SCN2A: variants seen among roughly 807,000 people sequenced by gnomAD.
SCN2A encodes the protein sodium voltage-gated channel alpha subunit 2.
SCN2A carries 20 observed loss-of-function variants against 188.7 expected under a neutral mutation model. That is an observed-to-expected ratio of 0.11 (90% CI 0.07 to 0.15). The LOEUF (loss-of-function observed/expected upper bound fraction) is 0.15, where lower values mean the gene tolerates loss of function less well. SCN2A is among the 10% of genes least tolerant of loss of function. The pLI, the probability that SCN2A is intolerant of heterozygous loss-of-function variation, is 1.00. For synonymous variants in SCN2A, 804 were observed against 833.1 expected (o/e 0.97, Z 0.60); for missense variants, 1,278 against 2,445.0 (o/e 0.52, Z 10.07).
chr2:165,302,528 T>C (rs1056930227), intron 3 of SCN2A, among the ~76,000 whole-genome samples: 2 of 152,188 alleles, frequency 1.3e-5, no homozygotes, highest in Non-Finnish European at 2.9e-5. Flanking sequence ...TCCTATAGAA[T>C]AACAAAGAAA....
intron 1 of SCN2A, among the ~76,000 whole-genome samples, chr2:165,291,415 CCTCCCTG>C (rs1559339959): frequency 4.5e-4 from 53 of 118,254 alleles, no homozygotes; most frequent in African/African-American, 7.3e-4. Flanking sequence ...TTCCTTCCTT[CCTCCCTG>C]TCTGTCTTTC....
intron 1 of SCN2A, among the ~76,000 whole-genome samples, chr2:165,255,050 G>C (rs922447039): frequency 2.6e-5 from 4 of 151,650 alleles, no homozygotes; most frequent in African/African-American, 9.7e-5. Context: ...TTCAACTTTT[G>C]CTTTGTGATC....
intron 14 of SCN2A, among the ~76,000 whole-genome samples, chr2:165,335,172 C>A (rs1698918627): frequency 6.6e-6 from 1 of 151,302 alleles, no homozygotes; most frequent in African/African-American, 2.4e-5. Context: ...GTTAAGATGG[C>A]AATACTCACC....
Position 165,276,555 on chromosome 2 carries a change from C to T in SCN2A, c.-51-19218C>T, listed in dbSNP as rs546018649. Among the ~76,000 whole-genome samples, 19 of 152,190 alleles carry T rather than the reference C, an allele frequency of 1.2e-4. No individual in the cohort carries two copies. The East Asian group carries it at 2.7e-3, about 22-fold the overall frequency. ...TCTCGAATGCTTTCTTCATTGTAGT[C>T]CAAGAAAATTTGATTAGTTGTATTT... On this transcript the variant is annotated intron_variant, in intron 1 of 26. Transcript: ENST00000375437.
intron 11 of SCN2A, among the ~76,000 whole-genome samples, chr2:165,316,430 C>A (rs1229274343): frequency 6.6e-6 from 1 of 152,124 alleles, no homozygotes; most frequent in East Asian, 1.9e-4. Flanking sequence ...TGTACTCATG[C>A]AAGTTGTTGA....
chr2:165,314,531 T>G (rs1228468189), intron 10 of SCN2A, among the ~76,000 whole-genome samples: 3 of 152,174 alleles, frequency 2.0e-5, no homozygotes, highest in Non-Finnish European at 4.4e-5. Context: ...AGAATCAAAC[T>G]AAGAAAATTA....
chr2:165,377,674 GT>G, intron 23 of SCN2A, 24 bp downstream of exon 23: 1 of 1,575,392 alleles, frequency 6.3e-7, no homozygotes, highest in Non-Finnish European at 8.7e-7. Flanking sequence ...GAGGGAAATT[GT>G]TTAGTTTGAT....
At chr2:165,357,142 G>A (rs999669687) in intron 17 of SCN2A, among the ~76,000 whole-genome samples, 1 of 152,260 alleles carries the variant, frequency 6.6e-6, no homozygotes, top group African/African-American at 2.4e-5. Flanking sequence ...GGTTATCGCC[G>A]TGAAAGAGGT....
In SCN2A at chr2:165,370,311, G is replaced by C; in HGVS notation, c.3849+12G>C. On this transcript the variant is annotated intron_variant, in intron 20 of 26. Coordinates refer to ENST00000375437, the MANE Select transcript of SCN2A (RefSeq NM_001040142.2). ...TCCTGATTGTTGATGTGAGTATGCT[G>C]CACTTTGCTGCTTTATTCATTGGCA... The C allele has an allele frequency of 6.2e-7, 1 of 1,613,844 alleles. No individual in the cohort carries two copies. Among genetic ancestry groups the C allele is most frequent in the Non-Finnish European group, 8.5e-7 (1 of 1,179,808 alleles).
chr2:165,311,432 A>G (rs1697421849), intron 7 of SCN2A, among the ~76,000 whole-genome samples: 1 of 152,116 alleles, frequency 6.6e-6, no homozygotes, highest in Non-Finnish European at 1.5e-5. Context: ...TACTCAGACA[A>G]CATATCTCTC....
intron 3 of SCN2A, among the ~76,000 whole-genome samples, chr2:165,301,969 G>A (rs1696836275): frequency 6.6e-6 from 1 of 152,124 alleles, no homozygotes; most frequent in Admixed American, 6.6e-5. Flanking sequence ...TTGGCTCTTT[G>A]CATTTTGCAT....
intron 13 of SCN2A, chr2:165,328,348 C>T (rs1698476231): frequency 4.5e-6 from 1 of 222,400 alleles, no homozygotes; most frequent in Admixed American, 6.5e-5. Context: ...CCTGCGTTAG[C>T]TTGCACTCCC....
intron 12 of SCN2A, 50 bp from the exon 13 acceptor site, chr2:165,326,802 T>G (rs1698381423): frequency 6.2e-7 from 1 of 1,610,022 alleles, no homozygotes; most frequent in Non-Finnish European, 8.5e-7. Context: ...TGCTTTGGGC[T>G]TTGCTGCTTT....
intron 22 of SCN2A, among the ~76,000 whole-genome samples, chr2:165,376,168 A>T (rs1248670341): frequency 1.3e-5 from 2 of 151,884 alleles, no homozygotes; most frequent in African/African-American, 4.8e-5. Flanking sequence ...TATACTTGAA[A>T]ATAGCTAAGT....
At position 165,389,198 on chromosome 2, in the gene SCN2A, T is replaced by C. The variant is rs1702026066; in HGVS notation, c.5392T>C (p.Phe1798Leu). Residue 1798 changes from phenylalanine to leucine, a missense_variant, in exon 27 of 27, where the codon TTC becomes CTC. By Grantham distance (22) the Phe-to-Leu change is conservative. Coordinates refer to ENST00000375437, the MANE Select transcript of SCN2A (RefSeq NM_001040142.2). The surrounding 1 kb of genome is among the most constrained non-coding windows in gnomAD (Gnocchi z 4.2). ...TCTGAGTGAGGATGACTTTGAGATGTTCTATGAGGTTTGGGAGAAGTTTGA... is the reference window on the plus strand; with the variant it reads ...TCTGAGTGAGGATGACTTTGAGATGCTCTATGAGGTTTGGGAGAAGTTTGA... ...EPLSEDDFEM[F>L]YEVWEKFDPD... The C allele has an allele frequency of 6.2e-7, 1 of 1,613,910 alleles. No individual in the cohort carries two copies. Among genetic ancestry groups the C allele is most frequent in the African/African-American group, 1.3e-5 (1 of 74,882 alleles).
chr2:165,310,025 A>C (rs1574558346), intron 6 of SCN2A, among the ~76,000 whole-genome samples: 1 of 152,158 alleles, frequency 6.6e-6, no homozygotes. Context: ...TATTTACACA[A>C]GGTTGATGTT....
chr2:165,373,787 G>A (rs571439870), intron 21 of SCN2A, among the ~76,000 whole-genome samples: 2 of 152,042 alleles, frequency 1.3e-5, no homozygotes, highest in East Asian at 1.9e-4. Context: ...GGCTGAAATG[G>A]CTAAAAAGTA....
At chr2:165,290,038 T>C (rs1696028329) in intron 1 of SCN2A, among the ~76,000 whole-genome samples, 2 of 152,182 alleles carry the variant, frequency 1.3e-5, no homozygotes, top group Admixed American at 1.3e-4. Flanking sequence ...TTATTTGTAT[T>C]TTAAACTACT....
intron 1 of SCN2A, among the ~76,000 whole-genome samples, chr2:165,253,249 C>A (rs1694171719): frequency 6.6e-6 from 1 of 152,072 alleles, no homozygotes; most frequent in African/African-American, 2.4e-5. Flanking sequence ...TCCAAATTCA[C>A]TTCTATCTCC....
Sources: allele counts gnomAD v4.1 joint callset (sites outside exome capture counted in the v4.1 genomes callset), GRCh38; gene constraint gnomAD v4.1.1; non-coding constraint Gnocchi (gnomAD v3.1); transcripts MANE v1.5; gene names NCBI Gene and HGNC (gene_info 2026-07-23, HGNC 2026-07-21).